The following LDLRAD4 variants were observed in gnomAD, a reference collection of about 807,000 sequenced individuals.
LDLRAD4 encodes low density lipoprotein receptor class A domain containing 4.
In LDLRAD4, 5 loss-of-function variants were observed where a neutral mutation model predicts 17.0. That is an observed-to-expected ratio of 0.29 (90% CI 0.15 to 0.62). LDLRAD4 has a LOEUF of 0.62. LDLRAD4 is among the 20% of genes least tolerant of loss of function. The pLI, the probability that LDLRAD4 is intolerant of heterozygous loss-of-function variation, is 0.84. For missense variants in LDLRAD4, 340 were observed against 424.7 expected (o/e 0.80, Z 1.75); for synonymous variants, 168 against 171.8 (o/e 0.98, Z 0.17).
intron 1 of LDLRAD4, among the ~76,000 whole-genome samples, chr18:13,373,765 C>CT (rs1225604785): frequency 2.0e-5 from 3 of 152,166 alleles, no homozygotes; most frequent in Admixed American, 6.5e-5. Context: ...ATAAATGCTA[C>CT]TTTTTTGTGA....
At chr18:13,316,324 A>AC (rs1567998834) in intron 1 of LDLRAD4, among the ~76,000 whole-genome samples, 1 of 152,234 alleles carries the variant, frequency 6.6e-6, no homozygotes, top group Non-Finnish European at 1.5e-5. Flanking sequence ...ATGAAATGAC[A>AC]GTCTTTAAAG....
At chr18:13,530,706 C>T (rs556965616) in intron 3 of LDLRAD4, among the ~76,000 whole-genome samples, 46 of 152,304 alleles carry the variant, frequency 3.0e-4, no homozygotes, top group Admixed American at 7.2e-4. Flanking sequence ...AGCTTGGTGA[C>T]GTGTGTGACA....
intron 1 of LDLRAD4, among the ~76,000 whole-genome samples, chr18:13,325,398 C>T (rs2081465593): frequency 6.6e-6 from 1 of 152,176 alleles, no homozygotes; most frequent in Non-Finnish European, 1.5e-5. Context: ...GCCTTTGAGA[C>T]GGCTCCAACC....
intron 1 of LDLRAD4, among the ~76,000 whole-genome samples, chr18:13,228,086 C>T (rs889257901): frequency 4.6e-5 from 7 of 152,180 alleles, no homozygotes; most frequent in South Asian, 2.1e-4. Flanking sequence ...CTCTGCTTGG[C>T]CTGCCATCAG....
chr18:13,611,974 C>T, intron 3 of LDLRAD4: 1 of 985,454 alleles, frequency 1.0e-6, no homozygotes, highest in Non-Finnish European at 1.2e-6. Flanking sequence ...TGGGTGCTCC[C>T]AGCCGGGCGA....
chr18:13,572,375 C>T (rs1192903268), intron 3 of LDLRAD4, among the ~76,000 whole-genome samples: 2 of 152,202 alleles, frequency 1.3e-5, no homozygotes, highest in Non-Finnish European at 2.9e-5. Context: ...TTCCCTGCTC[C>T]AGGGTCAGTG....
At chr18:13,397,897 G>T (rs539201029) in intron 2 of LDLRAD4, among the ~76,000 whole-genome samples, 3 of 152,214 alleles carry the variant, frequency 2.0e-5, no homozygotes, top group Admixed American at 6.5e-5. Flanking sequence ...CTCAGCGCAC[G>T]CTGTTTCACA....
chr18:13,583,456 A>G (rs1016600589), intron 3 of LDLRAD4, among the ~76,000 whole-genome samples: 3 of 152,140 alleles, frequency 2.0e-5, no homozygotes, highest in African/African-American at 7.2e-5. Flanking sequence ...TGAGATGCCT[A>G]AGATCTAGTT....
chr18:13,267,046 A>G (rs1230410148), intron 1 of LDLRAD4, among the ~76,000 whole-genome samples: 1 of 152,176 alleles, frequency 6.6e-6, no homozygotes, highest in East Asian at 1.9e-4. Context: ...GGCAAGGGAG[A>G]GGTTTGTGAA....
intron 1 of LDLRAD4, among the ~76,000 whole-genome samples, chr18:13,365,315 G>A (rs1161167703): frequency 1.3e-5 from 2 of 152,152 alleles, no homozygotes; most frequent in South Asian, 2.1e-4. Flanking sequence ...CTGTCTTCTC[G>A]CAGAGATGCT....
chr18:13,545,900 G>A (rs1319496567), intron 3 of LDLRAD4, among the ~76,000 whole-genome samples: 2 of 152,198 alleles, frequency 1.3e-5, no homozygotes, highest in Non-Finnish European at 2.9e-5. Context: ...GGCTTCATTT[G>A]GGAAGTCATA....
chr18:13,409,268 A>T (rs1452120972), intron 2 of LDLRAD4, among the ~76,000 whole-genome samples: 1 of 152,180 alleles, frequency 6.6e-6, no homozygotes, highest in African/African-American at 2.4e-5. Flanking sequence ...GAGGGCCTGG[A>T]AGGGGTGGGT....
At chr18:13,280,551 A>C (rs979002763) in intron 1 of LDLRAD4, among the ~76,000 whole-genome samples, 1 of 152,212 alleles carries the variant, frequency 6.6e-6, no homozygotes, top group African/African-American at 2.4e-5. Context: ...AAGGAATTTC[A>C]CACGGCATCC....
intron 3 of LDLRAD4, among the ~76,000 whole-genome samples, chr18:13,592,419 C>A (rs1199109632): frequency 1.3e-5 from 2 of 152,178 alleles, no homozygotes; most frequent in Admixed American, 6.5e-5. Context: ...GCAACCCATG[C>A]TTTAGAAAAT....
intron 2 of LDLRAD4, among the ~76,000 whole-genome samples, chr18:13,426,833 A>G (rs991680442): frequency 6.6e-6 from 1 of 152,228 alleles, no homozygotes; most frequent in African/African-American, 2.4e-5. Flanking sequence ...TGGTTGAAGA[A>G]TACAGGGAAC....
chr18:13,590,159 G>A (rs1383496456), intron 3 of LDLRAD4, among the ~76,000 whole-genome samples: 6 of 152,072 alleles, frequency 3.9e-5, no homozygotes, highest in Middle Eastern at 3.4e-3. Context: ...GTGTGGGTAC[G>A]CATGTGCGTA....
chr18:13,278,714 G>T (rs1294413082), intron 1 of LDLRAD4, among the ~76,000 whole-genome samples: 1 of 152,062 alleles, frequency 6.6e-6, no homozygotes, highest in East Asian at 1.9e-4. Context: ...ATTGCTTATG[G>T]GAAATCCCTT....
intron 2 of LDLRAD4, among the ~76,000 whole-genome samples, chr18:13,402,428 T>C (rs1391881072): frequency 6.6e-6 from 1 of 152,228 alleles, no homozygotes; most frequent in Non-Finnish European, 1.5e-5. Context: ...ACTTGAACAA[T>C]TTTTATAATC....
chr18:13,456,920 ACCT>A (rs2092165719), intron 3 of LDLRAD4, among the ~76,000 whole-genome samples: 1 of 151,832 alleles, frequency 6.6e-6, no homozygotes. Context: ...CTCCTCCTTC[ACCT>A]CCTTTCTCAG....
Sources: gnomAD v4.1 joint callset for allele counts (sites outside exome capture counted in the v4.1 genomes callset) on GRCh38, gnomAD v4.1.1 for gene constraint, MANE v1.5 for transcripts, NCBI Gene and HGNC (gene_info 2026-07-23, HGNC 2026-07-21) for gene names.